The following KIFAP3 variants were observed in gnomAD, a reference collection of about 807,000 sequenced individuals.
KIFAP3 encodes the protein kinesin-associated protein 3.
A neutral mutation model predicts 106.5 loss-of-function variants in KIFAP3; 68 were observed. That is an observed-to-expected ratio of 0.64 (90% CI 0.53 to 0.78). The LOEUF (loss-of-function observed/expected upper bound fraction) is 0.78. Among genes scored for constraint, KIFAP3 ranks in the 30% least tolerant of loss-of-function variants. The pLI is 0.00. For missense variants in KIFAP3, 780 were observed against 941.8 expected, an observed-to-expected ratio of 0.83 and a Z score of 2.25; for synonymous variants, 320 against 311.5, an observed-to-expected ratio of 1.03 and a Z score of -0.29.
intron 2 of KIFAP3, 107 bp downstream of exon 2, chr1:170,055,198 G>A: frequency 1.1e-6 from 1 of 926,488 alleles, no homozygotes; most frequent in Non-Finnish European, 1.5e-6. Context: ...AGTATGCCTG[G>A]AAGAATGCCA....
intron 3 of KIFAP3, among the ~76,000 whole-genome samples, chr1:170,043,466 G>A (rs970925325): frequency 6.6e-6 from 1 of 152,156 alleles, no homozygotes; most frequent in Non-Finnish European, 1.5e-5. Flanking sequence ...CCCAGATGAA[G>A]CAGCTAATGT....
chr1:170,070,577 T>C (rs78037355), intron 1 of KIFAP3, among the ~76,000 whole-genome samples: 9,637 of 152,206 alleles, frequency 0.063, 388 homozygotes, highest in Non-Finnish European at 0.095. Context: ...TTCTGACATT[T>C]GTTCTGACAA....
chr1:170,024,626 G>A, intron 8 of KIFAP3, 30 bp from the exon 9 acceptor site: 1 of 1,271,296 alleles, frequency 7.9e-7, no homozygotes, highest in Non-Finnish European at 1.1e-6. Context: ...GAGAGATAAA[G>A]AATTAGTATA....
intron 10 of KIFAP3, among the ~76,000 whole-genome samples, chr1:170,005,346 C>G (rs911126083): frequency 6.6e-6 from 1 of 152,120 alleles, no homozygotes; most frequent in African/African-American, 2.4e-5. Context: ...ACCCAGCCAT[C>G]CCATTACAGG....
chr1:169,998,415 C>CAT (rs1667492823), intron 10 of KIFAP3, among the ~76,000 whole-genome samples: 1 of 151,162 alleles, frequency 6.6e-6, no homozygotes, highest in African/African-American at 2.4e-5. Context: ...CACACACACA[C>CAT]ACACACACAC....
rs1189445295 is a variant in KIFAP3 at position 170,024,494 on chromosome 1, T to C, written c.944A>G (p.Asp315Gly). 3 of 1,608,076 alleles carry C rather than the reference T, an allele frequency of 1.9e-6. No homozygotes were observed. In the Admixed American group the frequency reaches 5.1e-5, roughly 27 times the overall value. ...AACTAAAATTAGCAGCTCAAAATTGTCCCGATCAAGGGCTTTCACCAACAT... is the reference window on the plus strand; with the variant it reads ...AACTAAAATTAGCAGCTCAAAATTGCCCCGATCAAGGGCTTTCACCAACAT... ...VHMLVKALDRDNFELLILVVS... is the reference protein window; with the variant it reads ...VHMLVKALDRGNFELLILVVS... The change falls in exon 9 of 20, where the codon GAC becomes GGC. Residue 315 changes from aspartate (D) to glycine (G), a missense_variant. By Grantham distance (94) the Asp-to-Gly change is moderately conservative (BLOSUM62 -1). This residue lies in a region of KIFAP3 where 588 missense variants were observed against 678.9 expected (regional missense o/e 0.87). Transcript: ENST00000361580.
intron 3 of KIFAP3, among the ~76,000 whole-genome samples, chr1:170,045,354 A>G (rs1670188159): frequency 6.6e-6 from 1 of 152,198 alleles, no homozygotes. Context: ...TCATATAGGT[A>G]TCTGTAGGCA....
At chr1:170,002,174 C>G (rs975603771) in intron 10 of KIFAP3, among the ~76,000 whole-genome samples, 4 of 152,110 alleles carry the variant, frequency 2.6e-5, no homozygotes, top group Non-Finnish European at 2.9e-5. Flanking sequence ...TAACTCTTGA[C>G]CTGGTCTGAC....
intron 17 of KIFAP3, among the ~76,000 whole-genome samples, chr1:169,961,635 C>A (rs990954095): frequency 2.0e-5 from 3 of 152,014 alleles, no homozygotes; most frequent in Admixed American, 6.6e-5. Flanking sequence ...TTTTGTTCCA[C>A]CTCTGCCACC....
chr1:170,010,002 T>C (rs1380895923), intron 10 of KIFAP3, among the ~76,000 whole-genome samples: 1 of 152,232 alleles, frequency 6.6e-6, no homozygotes, highest in East Asian at 1.9e-4. Context: ...CTGAAGCCAA[T>C]GGCTATGATA....
intron 19 of KIFAP3, among the ~76,000 whole-genome samples, chr1:169,952,763 A>T (rs1664795447): frequency 6.6e-6 from 1 of 152,102 alleles, no homozygotes; most frequent in African/African-American, 2.4e-5. Context: ...CTTGTTTTAA[A>T]ATGTTGCTGT....
At chr1:169,999,710 GATC>G (rs773828054) in intron 10 of KIFAP3, among the ~76,000 whole-genome samples, 1 of 152,112 alleles carries the variant, frequency 6.6e-6, no homozygotes, top group Non-Finnish European at 1.5e-5. Context: ...TAATTAGCTG[GATC>G]ATTATTTGAA....
chr1:170,072,968 T>A (rs1671772863), intron 1 of KIFAP3, among the ~76,000 whole-genome samples: 1 of 152,232 alleles, frequency 6.6e-6, no homozygotes, highest in African/African-American at 2.4e-5. Context: ...CTCTAGATAG[T>A]ATGTATTTAA....
chr1:169,937,437 T>C (rs1006368785), intron 19 of KIFAP3, among the ~76,000 whole-genome samples: 1 of 151,744 alleles, frequency 6.6e-6, no homozygotes, highest in African/African-American at 2.4e-5. Context: ...CAACAGTATA[T>C]ATGCTATTTT....
exon 1 of KIFAP3, chr1:170,085,095 C>T (rs577329496): frequency 6.6e-6 from 1 of 152,346 alleles, no homozygotes; most frequent in East Asian, 1.9e-4. Flanking sequence ...CCCATATCCA[C>T]TGGCTATCAA....
intron 16 of KIFAP3, among the ~76,000 whole-genome samples, chr1:169,976,146 C>T (rs1258670256): frequency 6.6e-6 from 1 of 152,140 alleles, no homozygotes; most frequent in Non-Finnish European, 1.5e-5. Flanking sequence ...CTGGTAGGTA[C>T]TTTAAATACT....
Position 169,921,688 on chromosome 1 carries a change from G to A in KIFAP3, c.2367C>T (p.Gly789=). ...GFRPDEPYYY[G]YGS is the part of the protein sequence containing the mutation. ...AACAGATACTTTATCAAGATCCATAGCCATAGTAGTAAGGTTCATCAGGGC... is the reference window on the plus strand; with the variant it reads ...AACAGATACTTTATCAAGATCCATAACCATAGTAGTAAGGTTCATCAGGGC... Residue 789 remains glycine, a synonymous_variant, in exon 20 of 20, where the codon GGC becomes GGT. Transcript: ENST00000361580. 1.2e-6 allele frequency: 2 copies of A among 1,611,248 alleles called. No individual in the cohort carries two copies. The highest frequency in any genetic ancestry group is 2.2e-5 in the East Asian group (1 of 44,846).
rs371084838 is a variant in KIFAP3 at position 170,021,420 on chromosome 1, G to T, written c.1020+2998C>A. Among the ~76,000 whole-genome samples, 15 of 147,966 alleles carry T rather than the reference G, an allele frequency of 1.0e-4. No homozygotes were observed. The South Asian group carries it at 3.0e-3, about 30-fold the overall frequency. On this transcript the variant is annotated intron_variant, in intron 9 of 19. Transcript: ENST00000361580. ...AAAACTTAATAAAAAAAAACTTGGA[G>T]AGTTTGTTATTAAGTTTTTTTTTTT...
chr1:170,074,335 T>C, intron 1 of KIFAP3, 101 bp downstream of exon 1: 2 of 1,218,124 alleles, frequency 1.6e-6, no homozygotes, highest in Non-Finnish European at 2.3e-6. Context: ...TCCCATCCCG[T>C]CTGCTAAACT....
Sources: allele counts gnomAD v4.1 joint callset (sites outside exome capture counted in the v4.1 genomes callset), GRCh38; gene constraint gnomAD v4.1.1; regional missense constraint gnomAD v4.1.1; transcripts MANE v1.5; gene names NCBI Gene and HGNC (gene_info 2026-07-23, HGNC 2026-07-21).